STK39: variants seen among roughly 807,000 people sequenced by gnomAD.
The protein encoded by STK39 is STE20/SPS1-related proline-alanine-rich protein kinase.
Under a neutral mutation model 77.8 loss-of-function variants are expected in STK39, and 20 were observed. That is an observed-to-expected ratio of 0.26 (90% confidence interval 0.18 to 0.37). STK39 has a LOEUF of 0.37. Among genes scored for constraint, STK39 ranks in the 10% least tolerant of loss-of-function variants. The pLI is 1.00. For synonymous variants in STK39, 246 were observed against 234.1 expected (o/e 1.05, Z -0.47); for missense variants, 479 against 656.5 (o/e 0.73, Z 2.95).
intron 16 of STK39, among the ~76,000 whole-genome samples, chr2:167,996,339 G>A (rs772939719): frequency 1.5e-4 from 23 of 152,228 alleles, no homozygotes; most frequent in African/African-American, 3.4e-4. Flanking sequence ...AAAGCATCCT[G>A]GTTATTTTTT....
intron 16 of STK39, among the ~76,000 whole-genome samples, chr2:167,991,495 G>T (rs536561566): frequency 1.3e-5 from 2 of 152,042 alleles, no homozygotes. Flanking sequence ...AGCAATAAGG[G>T]GACATTAGGA....
At chr2:168,227,308 ATT>A (rs574178177) in intron 1 of STK39, among the ~76,000 whole-genome samples, 52 of 152,228 alleles carry the variant, frequency 3.4e-4, no homozygotes, top group Non-Finnish European at 6.5e-4. Context: ...AATATTATAC[ATT>A]TGTAACTTAA....
chr2:168,018,572 AAGAAAG>A (rs1684488386), intron 14 of STK39, among the ~76,000 whole-genome samples: 1 of 144,002 alleles, frequency 6.9e-6, no homozygotes, highest in African/African-American at 2.8e-5. Flanking sequence ...GAAAGAAAGA[AAGAAAG>A]AAAGAAAGAA....
At chr2:168,224,565 C>T (rs1690257673) in intron 1 of STK39, among the ~76,000 whole-genome samples, 1 of 151,780 alleles carries the variant, frequency 6.6e-6, no homozygotes, top group African/African-American at 2.4e-5. Flanking sequence ...TAGAGATTAA[C>T]ATACCTGTCA....
chr2:168,073,688 G>A (rs566869155), intron 12 of STK39, among the ~76,000 whole-genome samples: 1 of 152,216 alleles, frequency 6.6e-6, no homozygotes, highest in East Asian at 1.9e-4. Flanking sequence ...GAGTGCAGTG[G>A]CACAATCTCA....
At chr2:168,143,412 C>G (rs1242261449) in intron 5 of STK39, among the ~76,000 whole-genome samples, 1 of 152,146 alleles carries the variant, frequency 6.6e-6, no homozygotes, top group African/African-American at 2.4e-5. Context: ...AGGCCTGAGC[C>G]CTCCTTAAAA....
intron 14 of STK39, among the ~76,000 whole-genome samples, chr2:168,060,627 TAA>T (rs1685641022): frequency 6.6e-6 from 1 of 152,176 alleles, no homozygotes; most frequent in Non-Finnish European, 1.5e-5. Context: ...TCACTGAAAA[TAA>T]GTCATACTAA....
At chr2:167,957,083 G>A (rs1057383688) in intron 17 of STK39, among the ~76,000 whole-genome samples, 8 of 152,000 alleles carry the variant, frequency 5.3e-5, no homozygotes, top group Admixed American at 4.6e-4. Flanking sequence ...CAGAAAACCA[G>A]CATCAACTCT....
At chr2:168,221,366 A>G (rs774861331) in intron 1 of STK39, among the ~76,000 whole-genome samples, 13 of 150,452 alleles carry the variant, frequency 8.6e-5, no homozygotes, top group Non-Finnish European at 1.5e-4. Context: ...ATACACACAC[A>G]CTTACATGTA....
intron 1 of STK39, among the ~76,000 whole-genome samples, chr2:168,212,326 G>A (rs1032594855): frequency 1.3e-5 from 2 of 152,300 alleles, no homozygotes; most frequent in South Asian, 2.1e-4. Context: ...CATCTCACCT[G>A]CAGGGAAAGA....
At chr2:168,082,360 C>T (rs1686256740) in intron 10 of STK39, among the ~76,000 whole-genome samples, 1 of 151,842 alleles carries the variant, frequency 6.6e-6, no homozygotes, top group Non-Finnish European at 1.5e-5. Context: ...AATTGTGGCC[C>T]TCACATCCTA....
chr2:167,978,358 T>C (rs1279367711), intron 16 of STK39, among the ~76,000 whole-genome samples: 2 of 152,006 alleles, frequency 1.3e-5, no homozygotes, highest in African/African-American at 4.8e-5. Context: ...CTAAATACCA[T>C]CCCAAGGTTA....
At chr2:168,180,311 C>T (rs1323662233) in intron 2 of STK39, among the ~76,000 whole-genome samples, 1 of 152,160 alleles carries the variant, frequency 6.6e-6, no homozygotes, top group Non-Finnish European at 1.5e-5. Context: ...CACACTGCTA[C>T]ACCCCAGCCT....
rs181208765 is a variant in STK39 at position 168,099,076 on chromosome 2, A to G, written c.1090-23845T>C. Among the ~76,000 whole-genome samples, 15 of 152,302 alleles carry G rather than the reference A, an allele frequency of 9.8e-5. No homozygotes were observed. In the East Asian group the frequency reaches 2.5e-3, roughly 26 times the overall value. On this transcript the variant is annotated intron_variant, in intron 10 of 17. Coordinates refer to ENST00000355999, the MANE Select transcript of STK39 (RefSeq NM_013233.3). ...AGGTCCCAGCAAATGGCTATCTACA[A>G]TTGCCTCCAGCCATGTGAGTGGCAA...
chr2:168,066,355 G>A (rs1461159336), intron 12 of STK39, among the ~76,000 whole-genome samples: 4 of 152,154 alleles, frequency 2.6e-5, no homozygotes, highest in African/African-American at 9.7e-5. Context: ...TAGATTATAG[G>A]TATACGGCGT....
At chr2:168,060,768 T>C (rs895300368) in intron 14 of STK39, among the ~76,000 whole-genome samples, 4 of 152,232 alleles carry the variant, frequency 2.6e-5, no homozygotes, top group African/African-American at 9.6e-5. Flanking sequence ...AATAATTGTG[T>C]TAGATGTACA....
chr2:167,984,481 A>G (rs1683506699), intron 16 of STK39, among the ~76,000 whole-genome samples: 1 of 152,226 alleles, frequency 6.6e-6, no homozygotes, highest in Non-Finnish European at 1.5e-5. Context: ...GAAGCGGTCC[A>G]GCATGCAGGA....
chr2:168,105,918 C>T (rs1686958685), intron 10 of STK39, among the ~76,000 whole-genome samples: 1 of 152,186 alleles, frequency 6.6e-6, no homozygotes, highest in Non-Finnish European at 1.5e-5. Context: ...GCAGGGTTAC[C>T]TTGCAGTCCT....
intron 10 of STK39, among the ~76,000 whole-genome samples, chr2:168,092,353 C>T (rs1211927820): frequency 6.6e-6 from 1 of 152,154 alleles, no homozygotes; most frequent in Non-Finnish European, 1.5e-5. Context: ...AAATTCAATA[C>T]TAAAAAGGGC....
Sources: allele counts gnomAD v4.1 joint callset (sites outside exome capture counted in the v4.1 genomes callset), GRCh38; gene constraint gnomAD v4.1.1; transcripts MANE v1.5; gene names NCBI Gene and HGNC (gene_info 2026-07-23, HGNC 2026-07-21).